The following LRP1B variants were observed in gnomAD, a reference collection of about 807,000 sequenced individuals.
LRP1B encodes LDL receptor related protein 1B.
Under a neutral mutation model 556.6 loss-of-function variants are expected in LRP1B, and 217 were observed. That is an observed-to-expected ratio of 0.39 (90% CI 0.35 to 0.44). The LOEUF (loss-of-function observed/expected upper bound fraction) is 0.44. LRP1B is among the 20% of genes least tolerant of loss of function. The pLI is 1.00. For missense variants in LRP1B, 5,053 were observed against 5,620.8 expected (o/e 0.90, Z 3.23); for synonymous variants, 2,047 against 1,865.8 (o/e 1.10, Z -2.50).
chr2:141,199,341 TTTTA>T (rs755793154), intron 6 of LRP1B, among the ~76,000 whole-genome samples: 2 of 152,160 alleles, frequency 1.3e-5, no homozygotes, highest in African/African-American at 2.4e-5. Flanking sequence ...CTCAGTGGGC[TTTTA>T]TTTGTGTATT....
chr2:141,240,686 A>G (rs901611434), intron 5 of LRP1B, among the ~76,000 whole-genome samples: 2 of 152,096 alleles, frequency 1.3e-5, no homozygotes, highest in African/African-American at 4.8e-5. Flanking sequence ...AGTTATTAAA[A>G]AAACATGATA....
chr2:140,409,581 T>G (rs1684885848), intron 66 of LRP1B, among the ~76,000 whole-genome samples: 1 of 152,054 alleles, frequency 6.6e-6, no homozygotes, highest in African/African-American at 2.4e-5. Flanking sequence ...GAATTGGTAT[T>G]AATATTTTCA....
Position 141,059,043 on chromosome 2 carries a change from A to C in LRP1B, c.1248T>G (p.Leu416=). ...TVIQGRQVRH[L]YGITVFEDYL... ...AATCTTCAAACACAGTTATACCATA[A>C]AGATGTCTAACCTATAAAGAGGGCA... Residue 416 remains leucine, a synonymous_variant, in exon 9 of 91, where the codon CTT becomes CTG. Coordinates refer to ENST00000389484, the MANE Select transcript of LRP1B (RefSeq NM_018557.3). 1 of 1,554,904 alleles carries C rather than the reference A, an allele frequency of 6.4e-7. No homozygotes were observed.
At chr2:141,458,561 T>C (rs1339844210) in intron 3 of LRP1B, among the ~76,000 whole-genome samples, 1 of 152,156 alleles carries the variant, frequency 6.6e-6, no homozygotes, top group African/African-American at 2.4e-5. Flanking sequence ...CAAATATGAT[T>C]TATTTTTTTT....
intron 2 of LRP1B, among the ~76,000 whole-genome samples, chr2:141,562,119 T>A (rs1177431684): frequency 6.6e-6 from 1 of 151,786 alleles, no homozygotes; most frequent in East Asian, 1.9e-4. Context: ...TAACATTGGG[T>A]CAAAAATAAT....
chr2:141,348,515 T>C (rs1446102261), intron 3 of LRP1B, among the ~76,000 whole-genome samples: 1 of 152,002 alleles, frequency 6.6e-6, no homozygotes, highest in Non-Finnish European at 1.5e-5. Context: ...ATTAGTTTAA[T>C]GGCCAAATAA....
chr2:141,087,221 T>C (rs1390284825), intron 7 of LRP1B, among the ~76,000 whole-genome samples: 2 of 151,072 alleles, frequency 1.3e-5, no homozygotes, highest in African/African-American at 4.9e-5. Flanking sequence ...CATACTGTAC[T>C]AGGATGATGT....
chr2:141,581,580 G>C lies in LRP1B; in HGVS notation c.206-101047C>G, dbSNP rs546581480. Among the ~76,000 whole-genome samples the C allele has an allele frequency of 2.5e-4, 38 of 152,132 alleles. No homozygotes were observed. The South Asian group carries it at 7.9e-3, about 32-fold the overall frequency. On this transcript the variant is annotated intron_variant, in intron 2 of 90. Transcript: ENST00000389484. ...TCTAAAATAGCTTTCCCTAAAACAT[G>C]AATATTTCTTTAAAAATAATCTATC...
rs180753637 is a variant in LRP1B, at chr2:141,599,116, C to T, written c.206-118583G>A. Among the ~76,000 whole-genome samples, 22 of 115,310 alleles carry T rather than the reference C, an allele frequency of 1.9e-4. No homozygotes were observed. The East Asian group carries it at 6.1e-3, about 32-fold the overall frequency. The allele number at this position is 115,310 out of a possible 152,430, so 75.6% of individuals were successfully genotyped here. On this transcript the variant is annotated intron_variant, in intron 2 of 90. Transcript: ENST00000389484. ...CAAGTGCTCTAATTTTGGAAAGTTG[C>T]TATTTCAGATCAACTCCACAAAGGG...
chr2:140,807,039 G>C (rs1454072806), intron 32 of LRP1B, among the ~76,000 whole-genome samples: 1 of 152,262 alleles, frequency 6.6e-6, no homozygotes, highest in East Asian at 1.9e-4. Context: ...CCTAATTTTA[G>C]TCAATAGTTT....
chr2:141,078,212 G>A (rs1166065037), intron 7 of LRP1B, among the ~76,000 whole-genome samples: 1 of 152,124 alleles, frequency 6.6e-6, no homozygotes, highest in African/African-American at 2.4e-5. Flanking sequence ...TATCTGTCAT[G>A]AACCTAGTAA....
intron 1 of LRP1B, among the ~76,000 whole-genome samples, chr2:142,039,634 A>G (rs564648179): frequency 2.6e-5 from 4 of 151,688 alleles, no homozygotes; most frequent in East Asian, 3.9e-4. Context: ...GTCTCATTGC[A>G]TTTATTAGAG....
At chr2:142,009,532 T>C (rs1288103384) in intron 1 of LRP1B, among the ~76,000 whole-genome samples, 3 of 152,152 alleles carry the variant, frequency 2.0e-5, no homozygotes, top group African/African-American at 7.2e-5. Flanking sequence ...TTGTATGGGA[T>C]CCTCTCACTC....
chr2:141,433,478 ATTG>A (rs1348701818), intron 3 of LRP1B, among the ~76,000 whole-genome samples: 1 of 152,036 alleles, frequency 6.6e-6, no homozygotes, highest in African/African-American at 2.4e-5. Context: ...ATTCTTGAGA[ATTG>A]TTGTACTAAG....
At chr2:141,999,897 C>T (rs968253459) in intron 1 of LRP1B, among the ~76,000 whole-genome samples, 1 of 151,314 alleles carries the variant, frequency 6.6e-6, no homozygotes, top group Admixed American at 6.6e-5. Flanking sequence ...TAATTAAAAC[C>T]GTCGACCTTG....
intron 59 of LRP1B, among the ~76,000 whole-genome samples, chr2:140,481,176 C>T (rs1054588690): frequency 1.3e-5 from 2 of 152,156 alleles, no homozygotes; most frequent in Non-Finnish European, 2.9e-5. Flanking sequence ...CTTACCTGTC[C>T]TAATTTTAAA....
chr2:141,672,640 C>T (rs1690715811), intron 2 of LRP1B, among the ~76,000 whole-genome samples: 1 of 152,062 alleles, frequency 6.6e-6, no homozygotes, highest in South Asian at 2.1e-4. Context: ...GAAGCCTGCA[C>T]AATGTTCTAC....
intron 20 of LRP1B, among the ~76,000 whole-genome samples, chr2:140,949,584 CTT>C (rs11362098): frequency 3.4e-4 from 51 of 151,490 alleles, no homozygotes; most frequent in African/African-American, 9.7e-4. Context: ...TTATTCCTTT[CTT>C]TTTTTTTTAT....
intron 2 of LRP1B, among the ~76,000 whole-genome samples, chr2:141,624,856 G>A (rs578113639): frequency 3.3e-5 from 5 of 152,118 alleles, no homozygotes; most frequent in East Asian, 1.9e-4. Flanking sequence ...TGCAAGCTCC[G>A]CCTCCCAGGT....
Sources: gnomAD v4.1 joint callset for allele counts (sites outside exome capture counted in the v4.1 genomes callset) on GRCh38, gnomAD v4.1.1 for gene constraint, MANE v1.5 for transcripts, NCBI Gene and HGNC (gene_info 2026-07-23, HGNC 2026-07-21) for gene names.